AP1G1: variants seen among roughly 807,000 people sequenced by gnomAD.
AP1G1 encodes the protein AP-1 complex subunit gamma-1.
A neutral mutation model predicts 108.3 loss-of-function variants in AP1G1; 7 were observed. That is an observed-to-expected ratio of 0.06 (90% confidence interval 0.04 to 0.12). The LOEUF (loss-of-function observed/expected upper bound fraction) is 0.12, where lower values mean the gene tolerates loss of function less well. Ranked by LOEUF, AP1G1 falls within the 10% of genes least tolerant of loss-of-function variation. The probability of loss-of-function intolerance (pLI) is 1.00; values close to 1 mark genes in which losing one functional copy is unlikely to be tolerated. For synonymous variants in AP1G1, 379 were observed against 353.5 expected (o/e 1.07, Z -0.81); for missense variants, 756 against 1,010.7 (o/e 0.75, Z 3.42).
rs2031651432 is a variant in AP1G1, at chr16:71,773,488, C to A, written c.327-126G>T. ...ACAAAAACAATAGGATTATTTGTTG[C>A]AGAAAATGTTTATCCCAACTTTATT... On this transcript the variant is annotated intron_variant, in intron 3 of 22. Coordinates refer to ENST00000299980, the MANE Select transcript of AP1G1 (RefSeq NM_001128.6). The A allele has an allele frequency of 1.5e-5, 15 of 981,574 alleles. No homozygotes were observed. In the South Asian group the frequency reaches 3.8e-4, roughly 25 times the overall value. 60.8% of individuals were successfully genotyped at this position (981,574 alleles called of 1,614,324 possible).
intron 4 of AP1G1, among the ~76,000 whole-genome samples, chr16:71,771,631 T>TA (rs2031575513): frequency 6.6e-6 from 1 of 152,258 alleles, no homozygotes; most frequent in Admixed American, 6.5e-5. Flanking sequence ...TTTGTTCATA[T>TA]ATTGCTAGAC....
chr16:71,734,769 C>A, intron 21 of AP1G1, 62 bp from the exon 22 acceptor site: 2 of 1,366,862 alleles, frequency 1.5e-6, no homozygotes, highest in South Asian at 1.2e-5. Flanking sequence ...TCAGAGATAC[C>A]AAAAACCATT....
intron 1 of AP1G1, chr16:71,807,761 CTAAT>C: frequency 8.0e-7 from 1 of 1,255,028 alleles, no homozygotes; most frequent in Non-Finnish European, 1.0e-6. Context: ...CTTCTGTTAA[CTAAT>C]CACTGTAAAG....
chr16:71,776,265 A>C (rs2031777142), intron 2 of AP1G1, among the ~76,000 whole-genome samples: 1 of 152,258 alleles, frequency 6.6e-6, no homozygotes, highest in African/African-American at 2.4e-5. Flanking sequence ...CATTAAAAAC[A>C]TCTAAAGTTA....
In AP1G1 at chr16:71,808,767, CCGAAACCT is replaced by C. The variant is rs1019457213; in HGVS notation, c.-16_-9del. 8.5e-6 allele frequency: 11 copies of C among 1,289,448 alleles called. No individual in the cohort carries two copies. In the African/African-American group the frequency reaches 1.7e-4, roughly 20 times the overall value. 79.9% of individuals were successfully genotyped at this position (1,289,448 alleles called of 1,614,324 possible). ...AGCGCCGGGAGTGACACTCACCGGC[CCGAAACCT>C]CGAATGAAACCAGCAGCTCCGGGGG... On this transcript the variant is annotated 5_prime_UTR_variant, in exon 1 of 23. Coordinates refer to ENST00000299980, the MANE Select transcript of AP1G1 (RefSeq NM_001128.6).
chr16:71,733,061 T>A lies in AP1G1; in HGVS notation c.2466A>T (p.Gln822His). ...GAATGAGAATGGTGCCAAACCCTCA[T>A]TGCCAGGACTGAGGGGGAAAGTTGT... Reference protein sequence around the residue: ...EVNNFPPQSWQ With the variant: ...EVNNFPPQSWH Residue 822 changes from glutamine to histidine, a missense_variant, in exon 23 of 23, where the codon CAA becomes CAT. Gln to His is a conservative substitution (Grantham distance 24). Coordinates refer to ENST00000299980, the MANE Select transcript of AP1G1 (RefSeq NM_001128.6). The A allele has an allele frequency of 6.2e-7, 1 of 1,609,772 alleles. No homozygotes were observed. The highest frequency in any genetic ancestry group is 2.2e-5 in the East Asian group (1 of 44,830).
At chr16:71,734,843 T>C in intron 21 of AP1G1, 136 bp from the exon 22 acceptor site, 1 of 667,966 alleles carries the variant, frequency 1.5e-6, no homozygotes, top group Non-Finnish European at 2.6e-6. Flanking sequence ...CTACTACTTG[T>C]TTTCTAGATA....
intron 3 of AP1G1, 51 bp from the exon 4 acceptor site, chr16:71,773,413 C>CA (rs1299379059): frequency 6.9e-7 from 1 of 1,459,806 alleles, no homozygotes; most frequent in South Asian, 1.6e-5. Flanking sequence ...CCCCAAGAAG[C>CA]AGCTTCACAA....
Position 71,764,847 on chromosome 16 carries a change from A to G in AP1G1, c.739-121T>C, listed in dbSNP as rs969187180. On this transcript the variant is annotated intron_variant, in intron 7 of 22. Transcript: ENST00000299980. Reference sequence around the variant, plus strand: ...AATTCATTTGGAACCATTTATTCATATCAGAAATAGTCAAAAATCAAACAG... The same window carrying G: ...AATTCATTTGGAACCATTTATTCATGTCAGAAATAGTCAAAAATCAAACAG... 94 of 636,030 alleles carry G rather than the reference A, an allele frequency of 1.5e-4. No individual in the cohort carries two copies. The East Asian group carries it at 2.6e-3, about 18-fold the overall frequency. 39.4% of individuals were successfully genotyped at this position (636,030 alleles called of 1,614,324 possible).
intron 13 of AP1G1, chr16:71,753,561 G>C (rs1216131421): frequency 4.8e-6 from 2 of 416,436 alleles, no homozygotes; most frequent in Non-Finnish European, 8.9e-6. Flanking sequence ...TGTCTCTTAG[G>C]TCTCTACTCA....
chr16:71,774,856 G>A (rs1268302545), intron 2 of AP1G1, among the ~76,000 whole-genome samples: 2 of 151,572 alleles, frequency 1.3e-5, no homozygotes, highest in Non-Finnish European at 2.9e-5. Flanking sequence ...GAGTAGCTGG[G>A]ATTACAGGAA....
intron 14 of AP1G1, 49 bp from the exon 15 acceptor site, chr16:71,750,032 G>C (rs2030402677): frequency 6.5e-7 from 1 of 1,539,760 alleles, no homozygotes; most frequent in Non-Finnish European, 9.0e-7. Flanking sequence ...TTTTTCCAAA[G>C]TTATTTAATG....
intron 2 of AP1G1, among the ~76,000 whole-genome samples, chr16:71,775,499 GTAT>G (rs560611891): frequency 1.3e-3 from 195 of 152,230 alleles, no homozygotes; most frequent in African/African-American, 4.3e-3. Context: ...CAAACTAGAA[GTAT>G]TATAAGAGAT....
rs1389555263 is a variant in AP1G1 at position 71,731,022 on chromosome 16, T to G, written c.*2036A>C. 3 of 152,560 alleles carry G rather than the reference T, an allele frequency of 2.0e-5. No individual in the cohort carries two copies. Among genetic ancestry groups the G allele is most frequent in the Non-Finnish European group, 4.4e-5 (3 of 68,040 alleles). 9.5% of individuals were successfully genotyped at this position (152,560 alleles called of 1,614,324 possible). ...AAAGCCTCTACACAAAGAGGAATGT[T>G]AAGACAAATTCTATTCAAGAAATCC... On this transcript the variant is annotated 3_prime_UTR_variant, in exon 23 of 23. Transcript: ENST00000299980.
At chr16:71,793,467 G>A (rs2032474762) in intron 1 of AP1G1, among the ~76,000 whole-genome samples, 1 of 151,988 alleles carries the variant, frequency 6.6e-6, no homozygotes, top group South Asian at 2.1e-4. Flanking sequence ...TTAGAAAAGG[G>A]TATCTATGAT....
At chr16:71,787,701 T>C (rs934015436) in intron 2 of AP1G1, among the ~76,000 whole-genome samples, 1 of 152,172 alleles carries the variant, frequency 6.6e-6, no homozygotes. Context: ...TAGGCATCTA[T>C]TTGCTTTATA....
chr16:71,781,252 C>T (rs1280550428), intron 2 of AP1G1, among the ~76,000 whole-genome samples: 1 of 152,148 alleles, frequency 6.6e-6, no homozygotes, highest in Non-Finnish European at 1.5e-5. Context: ...CTATATAGAC[C>T]AGAGTCTGTT....
At chr16:71,760,545 C>CA (rs1160425772) in intron 10 of AP1G1, among the ~76,000 whole-genome samples, 11,615 of 95,030 alleles carry the variant, frequency 0.12, 572 homozygotes, top group Middle Eastern at 0.2. Flanking sequence ...AACTCCATCT[C>CA]AAAAAAAAAA....
chr16:71,754,263 AAAG>A (rs1474265070), intron 12 of AP1G1, among the ~76,000 whole-genome samples: 1 of 151,322 alleles, frequency 6.6e-6, no homozygotes, highest in African/African-American at 2.4e-5. Flanking sequence ...GAAAGAAAAG[AAAG>A]AAGGAAAGAA....
Sources: gnomAD v4.1 joint callset for allele counts (sites outside exome capture counted in the v4.1 genomes callset) on GRCh38, gnomAD v4.1.1 for gene constraint, MANE v1.5 for transcripts, NCBI Gene and HGNC (gene_info 2026-07-23, HGNC 2026-07-21) for gene names.